The following PKP1 variants were observed in gnomAD, a reference collection of about 807,000 sequenced individuals.
PKP1 encodes the protein plakophilin-1.
In PKP1, 27 loss-of-function variants were observed where a neutral mutation model predicts 76.4. The ratio of observed to expected loss-of-function variants is 0.35; its 90% CI spans 0.26 to 0.49. The LOEUF (loss-of-function observed/expected upper bound fraction) is 0.49, where lower values mean the gene tolerates loss of function less well. PKP1 is among the 20% of genes least tolerant of loss of function. The pLI is 0.99. For missense variants in PKP1, 964 were observed against 955.2 expected, an observed-to-expected ratio of 1.01 and a Z score of -0.12; for synonymous variants, 404 against 384.2, an observed-to-expected ratio of 1.05 and a Z score of -0.60.
chr1:201,317,777 C>G lies in PKP1; in HGVS notation c.1052C>G (p.Thr351Ser). 4 of 1,609,874 alleles carry G rather than the reference C, an allele frequency of 2.5e-6. No homozygotes were observed. Among genetic ancestry groups the G allele is most frequent in the Non-Finnish European group, 3.4e-6 (4 of 1,178,414 alleles). ...AACGCCGAGATCCAGAAGCAGCTGA[C>G]TGGTAGGACAACACGGCCACCGAGA... ...TGNAEIQKQL[T>S]GLLWNLSSTD... The change falls in exon 5 of 14, where the codon ACT (threonine) becomes AGT (serine). Residue 351 changes from threonine to serine, a missense_variant and splice_region_variant. Transcript: ENST00000367324.
intron 3 of PKP1, among the ~76,000 whole-genome samples, chr1:201,314,072 G>A (rs1242238763): frequency 1.3e-5 from 2 of 152,208 alleles, no homozygotes; most frequent in African/African-American, 2.4e-5. Flanking sequence ...ATATGCCCCG[G>A]TATGGACGAC....
chr1:201,295,300 A>C (rs751200146), intron 2 of PKP1, among the ~76,000 whole-genome samples: 1 of 152,050 alleles, frequency 6.6e-6, no homozygotes, highest in Non-Finnish European at 1.5e-5. Flanking sequence ...TCTTTCTTAC[A>C]TATTACAGCT....
chr1:201,317,486 GAA>G (rs11336457), intron 4 of PKP1, 84 bp from the exon 5 acceptor site: 107 of 1,147,352 alleles, frequency 9.3e-5, no homozygotes, highest in Non-Finnish European at 1.3e-4. Context: ...TTTTTGGTCT[GAA>G]AAAAAAAATC....
At chr1:201,318,048 C>A (rs961233369) in intron 5 of PKP1, among the ~76,000 whole-genome samples, 3 of 152,170 alleles carry the variant, frequency 2.0e-5, no homozygotes, top group Non-Finnish European at 2.9e-5. Flanking sequence ...GATGTCCAGG[C>A]AAGATCCATA....
chr1:201,329,844 A>G (rs1313893625), intron 13 of PKP1, among the ~76,000 whole-genome samples: 1 of 152,242 alleles, frequency 6.6e-6, no homozygotes, highest in Non-Finnish European at 1.5e-5. Flanking sequence ...CTTCTTTCTT[A>G]GTGAGGAAGA....
In PKP1 at chr1:201,323,194, G is replaced by A. The variant is rs1657002527; in HGVS notation, c.1680+5G>A. The A allele has an allele frequency of 6.2e-7, 1 of 1,613,238 alleles. No individual in the cohort carries two copies. Among genetic ancestry groups the A allele is most frequent in the African/African-American group, 1.3e-5 (1 of 74,914 alleles). ...CTGACAGCCAGCAAGGGGCTGGTGA[G>A]TGGGACTGTACCTTCTCTACTGCAG... On this transcript the variant is annotated splice_donor_5th_base_variant and intron_variant, in intron 9 of 13. Transcript: ENST00000367324.
chr1:201,323,254 T>G, intron 9 of PKP1, 65 bp downstream of exon 9: 2 of 1,462,766 alleles, frequency 1.4e-6, no homozygotes, highest in Admixed American at 3.4e-5. Context: ...CAGCCTCTGC[T>G]CCCTCCTTTT....
At chr1:201,295,400 G>A (rs1162862083) in intron 2 of PKP1, among the ~76,000 whole-genome samples, 1 of 152,080 alleles carries the variant, frequency 6.6e-6, no homozygotes, top group Non-Finnish European at 1.5e-5. Context: ...GACACTCTTA[G>A]TGCAAAATAA....
rs754382823 is a variant in PKP1, at chr1:201,321,929, C to T, written c.1348-49C>T. On this transcript the variant is annotated intron_variant, in intron 7 of 13. Coordinates refer to ENST00000367324, the MANE Select transcript of PKP1 (RefSeq NM_001005337.3). ...CTAGGGTAGGTGGTAGGCCAGGAGC[C>T]TGTCGGGCCGGGCAGAGGCTCAGGC... is the stretch of plus-strand genomic sequence containing the variant. The T allele has an allele frequency of 4.3e-6, 7 of 1,610,124 alleles. No homozygotes were observed. The South Asian group carries it at 5.5e-5, about 13-fold the overall frequency.
At chr1:201,316,493 G>C in intron 3 of PKP1, 60 bp from the exon 4 acceptor site, 3 of 1,525,902 alleles carry the variant, frequency 2.0e-6, no homozygotes, top group Non-Finnish European at 2.7e-6. Flanking sequence ...GGAATTCTGA[G>C]CCCCCTCAGC....
Position 201,317,790 on chromosome 1 carries a change from A to G in PKP1, c.1054+11A>G. 1 of 1,592,458 alleles carries G rather than the reference A, an allele frequency of 6.3e-7. No individual in the cohort carries two copies. The highest frequency in any genetic ancestry group is 8.6e-7 in the Non-Finnish European group (1 of 1,168,566). On this transcript the variant is annotated intron_variant, in intron 5 of 13. Transcript: ENST00000367324. ...AGAAGCAGCTGACTGGTAGGACAAC[A>G]CGGCCACCGAGAGCCAGCCTGAGGG...
chr1:201,289,172 G>A (rs1307564994), intron 1 of PKP1, among the ~76,000 whole-genome samples: 1 of 152,192 alleles, frequency 6.6e-6, no homozygotes, highest in Non-Finnish European at 1.5e-5. Flanking sequence ...GTCCACTCCT[G>A]CCCACTCCGA....
chr1:201,295,959 T>C (rs981666428), intron 2 of PKP1, among the ~76,000 whole-genome samples: 12 of 152,300 alleles, frequency 7.9e-5, no homozygotes, highest in South Asian at 2.1e-4. Flanking sequence ...TCCTCAGTCA[T>C]CTCACTAGCT....
At chr1:201,296,814 G>C (rs1656090688) in intron 2 of PKP1, among the ~76,000 whole-genome samples, 1 of 152,160 alleles carries the variant, frequency 6.6e-6, no homozygotes, top group South Asian at 2.1e-4. Flanking sequence ...AGCCAGACAA[G>C]AAAACCAGTC....
At chr1:201,293,375 C>A (rs2102154398) in intron 1 of PKP1, among the ~76,000 whole-genome samples, 1 of 152,274 alleles carries the variant, frequency 6.6e-6, no homozygotes, top group Admixed American at 6.5e-5. Context: ...CCTCACTGGG[C>A]CTTTGAGGTT....
chr1:201,325,766 G>A lies in PKP1; in HGVS notation c.2034G>A (p.Lys678=). 6.2e-7 allele frequency: 1 copy of A among 1,613,990 alleles called. No individual in the cohort carries two copies. Among genetic ancestry groups the A allele is most frequent in the Non-Finnish European group, 8.5e-7 (1 of 1,179,860 alleles). ...CTCACCTGCCCAGTGCCTCACCCAA[G>A]GCCGCAGAAGCTGCCCGGCTTCTCC... ...INLCRSSASP[K]AAEAARLLLS... The change falls in exon 12 of 14, where the codon AAG becomes AAA. Residue 678 remains lysine (K), a synonymous_variant. Transcript: ENST00000367324.
intron 1 of PKP1, among the ~76,000 whole-genome samples, chr1:201,293,616 C>T (rs560480339): frequency 7.9e-5 from 12 of 152,298 alleles, no homozygotes; most frequent in African/African-American, 2.4e-4. Context: ...CTGGAATGGC[C>T]GTGCTCCAAG....
intron 2 of PKP1, among the ~76,000 whole-genome samples, chr1:201,305,776 G>A (rs982749457): frequency 6.6e-6 from 1 of 152,168 alleles, no homozygotes. Context: ...GACCCTCAAG[G>A]GTGCTCTTCT....
In PKP1 at chr1:201,317,656, C is replaced by G; in HGVS notation, c.931C>G (p.Leu311Val). ...CGTCCAGCAGGCCGCGGCAGGGGCC[C>G]TGCGCAACCTGGTGTTCAGGAGCAC... ...QNVQQAAAGA[L>V]RNLVFRSTTN... The change falls in exon 5 of 14, where the codon CTG (leucine) becomes GTG (valine). Residue 311 changes from leucine (L) to valine (V), a missense_variant. Coordinates refer to ENST00000367324, the MANE Select transcript of PKP1 (RefSeq NM_001005337.3). 1 of 1,614,040 alleles carries G rather than the reference C, an allele frequency of 6.2e-7. No homozygotes were observed. Among genetic ancestry groups the G allele is most frequent in the South Asian group, 1.1e-5 (1 of 91,080 alleles).
Sources: allele counts gnomAD v4.1 joint callset (sites outside exome capture counted in the v4.1 genomes callset), GRCh38; gene constraint gnomAD v4.1.1; transcripts MANE v1.5; gene names NCBI Gene and HGNC (gene_info 2026-07-23, HGNC 2026-07-21).